Variants in NIPAL2 observed in about 807,000 individuals in gnomAD.
NIPAL2 encodes NIPA-like protein 2.
A neutral mutation model predicts 48.9 loss-of-function variants in NIPAL2; 43 were observed. That is an observed-to-expected ratio of 0.88 (90% CI 0.69 to 1.13). NIPAL2 has a LOEUF of 1.13. NIPAL2 is among the 50% of genes most tolerant of loss of function. NIPAL2 has a pLI of 0.00. For missense variants in NIPAL2, 446 were observed against 461.4 expected (o/e 0.97, Z 0.31); for synonymous variants, 167 against 174.6 (o/e 0.96, Z 0.34).
chr8:98,268,363 G>A (rs1814902833), intron 1 of NIPAL2, among the ~76,000 whole-genome samples: 1 of 152,122 alleles, frequency 6.6e-6, no homozygotes. Flanking sequence ...GCTCATGCCT[G>A]TCATCCCGGC....
At chr8:98,199,325 A>G (rs778093881) in intron 8 of NIPAL2, among the ~76,000 whole-genome samples, 4 of 152,158 alleles carry the variant, frequency 2.6e-5, no homozygotes, top group African/African-American at 4.8e-5. Flanking sequence ...CTTTCAGCCT[A>G]TCTTGGCTTT....
chr8:98,247,619 C>G (rs1813375437), intron 3 of NIPAL2, among the ~76,000 whole-genome samples: 1 of 152,176 alleles, frequency 6.6e-6, no homozygotes, highest in Admixed American at 6.5e-5. Context: ...TAATGTATTA[C>G]AATCATTTGC....
intron 3 of NIPAL2, among the ~76,000 whole-genome samples, chr8:98,244,732 C>T (rs1019488966): frequency 6.6e-6 from 1 of 152,084 alleles, no homozygotes; most frequent in Admixed American, 6.5e-5. Flanking sequence ...GCAAATCCAG[C>T]ACTACCAAAT....
chr8:98,288,548 A>G (rs1040522079), intron 1 of NIPAL2, among the ~76,000 whole-genome samples: 5 of 151,412 alleles, frequency 3.3e-5, no homozygotes, highest in Non-Finnish European at 7.4e-5. Context: ...TCCTTTGGGT[A>G]TATACCCAGT....
chr8:98,294,108 C>A lies in NIPAL2; in HGVS notation c.30G>T (p.Gly10=). The change falls in exon 1 of 11, where the codon GGG becomes GGT. Residue 10 remains glycine (G), a synonymous_variant. Coordinates refer to ENST00000430223, the MANE Select transcript of NIPAL2 (RefSeq NM_001321635.2). ...CGTCCAGGGCGGCCGAGGCGGAGTC[C>A]CCGGGGCCCGCGGGCGCCACCGCTG... MAAVAPAGP[G]DSASAALDEL... is the part of the protein sequence containing the mutation. 6.8e-7 allele frequency: 1 copy of A among 1,478,434 alleles called. No individual in the cohort carries two copies. The highest frequency in any genetic ancestry group is 1.3e-5 in the South Asian group (1 of 76,626). The allele number at this position is 1,478,434 out of a possible 1,614,324, so 91.6% of individuals were successfully genotyped here. A position where few individuals can be genotyped will look rare whatever the true frequency, so the allele number is the denominator to read the frequency against.
chr8:98,203,931 C>T (rs1810916162), intron 7 of NIPAL2, among the ~76,000 whole-genome samples: 1 of 151,452 alleles, frequency 6.6e-6, no homozygotes, highest in Non-Finnish European at 1.5e-5. Context: ...TGTATGCCTG[C>T]AAGTACATAT....
At chr8:98,261,352 C>T (rs1231388271) in intron 1 of NIPAL2, among the ~76,000 whole-genome samples, 1 of 127,056 alleles carries the variant, frequency 7.9e-6, no homozygotes, top group African/African-American at 3.0e-5. Context: ...GACATTCAAA[C>T]CAAAGGCAAA....
At chr8:98,250,738 G>C (rs564063926) in intron 3 of NIPAL2, among the ~76,000 whole-genome samples, 1 of 152,148 alleles carries the variant, frequency 6.6e-6, no homozygotes, top group Non-Finnish European at 1.5e-5. Flanking sequence ...GTTTTAAGGT[G>C]GGTGGACCAG....
intron 3 of NIPAL2, among the ~76,000 whole-genome samples, chr8:98,237,278 C>T (rs1157679639): frequency 3.3e-5 from 5 of 152,018 alleles, no homozygotes; most frequent in African/African-American, 1.2e-4. Context: ...TGTCAAACTC[C>T]TGGGCTCAAG....
rs1810466709 is a variant in NIPAL2 at position 98,194,760 on chromosome 8, T to G, written c.1007A>C (p.Gln336Pro). The change falls in exon 10 of 11, where the codon CAA (glutamine) becomes CCA (proline). Residue 336 changes from glutamine (Q) to proline (P), a missense_variant. By Grantham distance (76) the Gln-to-Pro change is moderately conservative (BLOSUM62 -1). Transcript: ENST00000430223. Reference sequence around the variant, plus strand: ...ATTTCCAAAATCAATATAAGACTGTTGCAGATGTTCCTTTTCTCGATTTCT... The same window carrying G: ...ATTTCCAAAATCAATATAAGACTGTGGCAGATGTTCCTTTTCTCGATTTCT... Reference protein sequence around the residue: ...VTRNREKEHLQQSYIDFGNIP... With the variant: ...VTRNREKEHLPQSYIDFGNIP... The G allele has an allele frequency of 6.3e-7, 1 of 1,575,946 alleles. No individual in the cohort carries two copies. The highest frequency in any genetic ancestry group is 8.6e-7 in the Non-Finnish European group (1 of 1,165,294).
chr8:98,198,533 T>C (rs987559538), intron 8 of NIPAL2, among the ~76,000 whole-genome samples: 17 of 152,276 alleles, frequency 1.1e-4, no homozygotes, highest in African/African-American at 3.4e-4. Context: ...CTTCTTCTAA[T>C]AGAAGGTGGT....
chr8:98,262,047 G>T (rs1458808891), intron 1 of NIPAL2, among the ~76,000 whole-genome samples: 19 of 134,904 alleles, frequency 1.4e-4, no homozygotes, highest in African/African-American at 5.4e-4. Context: ...AAGCGAAGGA[G>T]AAATAAAATA....
chr8:98,203,979 T>C (rs986896327), intron 7 of NIPAL2, among the ~76,000 whole-genome samples: 4 of 152,096 alleles, frequency 2.6e-5, no homozygotes, highest in South Asian at 2.1e-4. Flanking sequence ...CATGTACATA[T>C]GTATGTACAA....
chr8:98,286,683 C>T (rs1276503023), intron 1 of NIPAL2, among the ~76,000 whole-genome samples: 2 of 151,940 alleles, frequency 1.3e-5, no homozygotes, highest in African/African-American at 2.4e-5. Context: ...GTGGTACACG[C>T]CTGTAGTCCC....
intron 1 of NIPAL2, among the ~76,000 whole-genome samples, chr8:98,268,679 G>A (rs945326456): frequency 6.0e-5 from 9 of 150,860 alleles, no homozygotes; most frequent in Admixed American, 4.6e-4. Flanking sequence ...GTAGGAATGA[G>A]CAAAATTATA....
intron 1 of NIPAL2, among the ~76,000 whole-genome samples, chr8:98,276,057 T>C (rs891678264): frequency 3.3e-5 from 5 of 152,220 alleles, no homozygotes; most frequent in African/African-American, 1.2e-4. Context: ...TCAAGAGTAA[T>C]ACATTTGTTA....
intron 9 of NIPAL2, 78 bp downstream of exon 9, chr8:98,195,864 T>C: frequency 1.0e-6 from 1 of 970,620 alleles, no homozygotes; most frequent in South Asian, 1.5e-5. Flanking sequence ...CAATTTTCTA[T>C]ACCTCCGGTA....
At chr8:98,256,108 T>C (rs1813875618) in intron 1 of NIPAL2, among the ~76,000 whole-genome samples, 1 of 152,092 alleles carries the variant, frequency 6.6e-6, no homozygotes, top group African/African-American at 2.4e-5. Context: ...CTCTGCCTCC[T>C]AGAGGTAGAG....
At chr8:98,269,278 T>C (rs1413574904) in intron 1 of NIPAL2, among the ~76,000 whole-genome samples, 2 of 152,198 alleles carry the variant, frequency 1.3e-5, no homozygotes, top group Non-Finnish European at 2.9e-5. Context: ...CCAGAATTTA[T>C]TTTGGCTAGA....
Sources: allele counts gnomAD v4.1 joint callset (sites outside exome capture counted in the v4.1 genomes callset), GRCh38; gene constraint gnomAD v4.1.1; transcripts MANE v1.5; gene names NCBI Gene and HGNC (gene_info 2026-07-23, HGNC 2026-07-21).